Variants in CACNA1B observed in about 807,000 individuals in gnomAD.
CACNA1B encodes calcium voltage-gated channel subunit alpha1 B, also known as voltage-dependent N-type calcium channel subunit alpha-1B.
A neutral mutation model predicts 247.2 loss-of-function variants in CACNA1B; 70 were observed. The observed-to-expected ratio is 0.28, with a 90% CI of 0.23 to 0.35. The LOEUF is 0.35. Ranked by LOEUF, CACNA1B falls within the 10% of genes least tolerant of loss-of-function variation. The pLI, the probability that CACNA1B is intolerant of heterozygous loss-of-function variation, is 1.00. For synonymous variants in CACNA1B, 1,231 were observed against 1,294.4 expected (o/e 0.95, Z 1.05); for missense variants, 2,367 against 3,197.4 (o/e 0.74, Z 6.26).
At chr9:138,062,510 C>T (rs1959762735) in intron 31 of CACNA1B, among the ~76,000 whole-genome samples, 1 of 152,152 alleles carries the variant, frequency 6.6e-6, no homozygotes, top group African/African-American at 2.4e-5. Flanking sequence ...TTCACTGGGC[C>T]TGTGGTGGGT....
rs748726157 is a variant in CACNA1B, at chr9:137,881,532, C to A, written c.391-1212C>A. Among the ~76,000 whole-genome samples the A allele has an allele frequency of 2.0e-5, 3 of 152,188 alleles. No individual in the cohort carries two copies. Among genetic ancestry groups the A allele is most frequent in the African/African-American group, 7.2e-5 (3 of 41,452 alleles). ...CCTGAAGACGAACCCTCAGGGGAGG[C>A]CCTTGAAGCTGGTCTCCTCTCCCCA... On this transcript the variant is annotated intron_variant, in intron 2 of 46. Coordinates refer to ENST00000371372, the MANE Select transcript of CACNA1B (RefSeq NM_000718.4). The surrounding 1 kb of genome is among the most constrained non-coding windows in gnomAD (Gnocchi z 4.3).
chr9:138,101,136 TG>T, intron 37 of CACNA1B: 1 of 533,266 alleles, frequency 1.9e-6, no homozygotes. Flanking sequence ...ATGTACAGTT[TG>T]TTGCGTTGTA....
At position 138,052,098 on chromosome 9, in the gene CACNA1B, C is replaced by G; in HGVS notation, c.3717C>G (p.Ser1239=). 1 of 1,597,346 alleles carries G rather than the reference C, an allele frequency of 6.3e-7. No individual in the cohort carries two copies. The highest frequency in any genetic ancestry group is 8.6e-7 in the Non-Finnish European group (1 of 1,165,440). The change falls in exon 25 of 47, where the codon TCC becomes TCG. Residue 1239 remains serine (S), a synonymous_variant. Transcript: ENST00000371372. This position sits in a 1 kb window ranked among gnomAD's most constrained non-coding sequence, Gnocchi z 5.1. Reference sequence around the variant, plus strand: ...TGTGGCTTCTCCCTTCTAGAGGATCCAAAGGGAAAGACATCAATACCATCA... The same window carrying G: ...TGTGGCTTCTCCCTTCTAGAGGATCGAAAGGGAAAGACATCAATACCATCA... The part of the protein sequence containing the change: ...GALVAFAFSG[S]KGKDINTIKS...
Position 137,933,185 on chromosome 9 carries a change from G to A in CACNA1B, c.966+15754G>A, listed in dbSNP as rs536335258. On this transcript the variant is annotated intron_variant, in intron 6 of 46. Transcript: ENST00000371372. ...TCTGACCTCATGATCTGCCTGCCTCGGCCTCCCAGAGTGCTGGGATTACAG... is the reference window on the plus strand; with the variant it reads ...TCTGACCTCATGATCTGCCTGCCTCAGCCTCCCAGAGTGCTGGGATTACAG... 3.3e-4 allele frequency among the ~76,000 whole-genome samples: 50 copies of A among 152,106 alleles called. 1 individual carries two copies. The South Asian group carries it at 7.3e-3, about 22-fold the overall frequency.
intron 23 of CACNA1B, among the ~76,000 whole-genome samples, chr9:138,048,812 G>A (rs1288892474): frequency 1.3e-5 from 2 of 152,114 alleles, no homozygotes; most frequent in Non-Finnish European, 2.9e-5. Flanking sequence ...CTGTGTCCTG[G>A]GTTCAAGCAA....
Position 138,020,696 on chromosome 9 carries a change from T to G in CACNA1B, c.2268-2315T>G, listed in dbSNP as rs1041799609. Among the ~76,000 whole-genome samples, 6 of 152,104 alleles carry G rather than the reference T, an allele frequency of 3.9e-5. No homozygotes were observed. The highest frequency in any genetic ancestry group is 1.4e-4 in the African/African-American group (6 of 41,438). ...GGCGGGCAGGTGCCCTAGCGTAGGC[T>G]GCTCAGCATGTTGCTCTGCCTGGGT... is the stretch of plus-strand genomic sequence containing the variant. On this transcript the variant is annotated intron_variant, in intron 18 of 46. Transcript: ENST00000371372. This position sits in a 1 kb window ranked among gnomAD's most constrained non-coding sequence, Gnocchi z 4.1.
In CACNA1B at chr9:138,058,305, G is replaced by C. The variant is rs1335290337; in HGVS notation, c.4308+55G>C. 2.1e-6 allele frequency: 3 copies of C among 1,416,716 alleles called. No individual in the cohort carries two copies. The highest frequency in any genetic ancestry group is 2.8e-5 in the African/African-American group (2 of 70,584). The allele number at this position is 1,416,716 out of a possible 1,614,324, so 87.8% of individuals were successfully genotyped here. ...TGGACAGCGTGGGCAGCGCCATCAG[G>C]CTTCCCTCCTGCACACAAATCACTC... On this transcript the variant is annotated intron_variant, in intron 28 of 46. Coordinates refer to ENST00000371372, the MANE Select transcript of CACNA1B (RefSeq NM_000718.4). The surrounding 1 kb of genome is among the most constrained non-coding windows in gnomAD (Gnocchi z 4.7).
In CACNA1B at chr9:137,971,443, G is replaced by T. The variant is rs200510570; in HGVS notation, c.1394G>T (p.Arg465Leu). 8.1e-6 allele frequency: 13 copies of T among 1,613,532 alleles called. No individual in the cohort carries two copies. The South Asian group carries it at 1.1e-4, about 14-fold the overall frequency. Residue 465 changes from arginine (R) to leucine (L), a missense_variant, in exon 11 of 47, where the codon CGG (arginine) becomes CTG (leucine). By Grantham distance (102) the Arg-to-Leu change is moderately radical. Coordinates refer to ENST00000371372, the MANE Select transcript of CACNA1B (RefSeq NM_000718.4). This position sits in a 1 kb window ranked among gnomAD's most constrained non-coding sequence, Gnocchi z 4.4. ...SGKTESSSYFRRKEKMFRFFI... is the reference protein window; with the variant it reads ...SGKTESSSYFLRKEKMFRFFI... ...AAGACAGAGAGCTCGTCATACTTCC[G>T]GAGGAAGGAGAAGATGTTCCGGTTT...
intron 31 of CACNA1B, among the ~76,000 whole-genome samples, chr9:138,068,424 A>C (rs1960005521): frequency 6.6e-6 from 1 of 152,230 alleles, no homozygotes; most frequent in Admixed American, 6.5e-5. Flanking sequence ...TAATCCAAGC[A>C]AAAAAGCTGA....
rs1958561507 is a variant in CACNA1B, at chr9:138,000,371, T to TA, written c.1975-6395dup. On this transcript the variant is annotated intron_variant, in intron 15 of 46. Coordinates refer to ENST00000371372, the MANE Select transcript of CACNA1B (RefSeq NM_000718.4). The stretch of plus-strand genomic sequence containing the variant: ...CCTTGGCCTCCCAAAGTGCTGGGAT[T>TA]ACAGACATGAGCCACCGTGCCTGGC... 2.0e-5 allele frequency among the ~76,000 whole-genome samples: 3 copies of TA among 152,216 alleles called. No homozygotes were observed. The South Asian group carries it at 6.2e-4, about 31-fold the overall frequency.
rs1002012657 is a variant in CACNA1B at position 137,954,300 on chromosome 9, C to T, written c.1071-1398C>T. Among the ~76,000 whole-genome samples the T allele has an allele frequency of 4.6e-5, 7 of 152,220 alleles. No homozygotes were observed. Among genetic ancestry groups the T allele is most frequent in the Non-Finnish European group, 8.8e-5 (6 of 68,028 alleles). On this transcript the variant is annotated intron_variant, in intron 7 of 46. Transcript: ENST00000371372. This position sits in a 1 kb window ranked among gnomAD's most constrained non-coding sequence, Gnocchi z 4.1. Reference sequence around the variant, plus strand: ...CGGCTCTGCCATGTCTGGGCGAGAGCTGCAGGAGGGGCCAGCTTGGGGCCA... The same window carrying T: ...CGGCTCTGCCATGTCTGGGCGAGAGTTGCAGGAGGGGCCAGCTTGGGGCCA...
intron 36 of CACNA1B, among the ~76,000 whole-genome samples, chr9:138,089,375 A>T (rs897347396): frequency 2.0e-5 from 3 of 152,250 alleles, no homozygotes; most frequent in African/African-American, 7.2e-5. Flanking sequence ...TAAGTAAACC[A>T]GTAATCAACA....
chr9:137,896,842 G>C (rs528183236), intron 3 of CACNA1B, among the ~76,000 whole-genome samples: 1 of 152,136 alleles, frequency 6.6e-6, no homozygotes, highest in African/African-American at 2.4e-5. Flanking sequence ...TGTTGGGTCC[G>C]TCGTGTGAGT....
Position 138,007,759 on chromosome 9 carries a change from C to T in CACNA1B, c.2092+875C>T, listed in dbSNP as rs552122086. On this transcript the variant is annotated intron_variant, in intron 16 of 46. Transcript: ENST00000371372. The surrounding 1 kb of genome is among the most constrained non-coding windows in gnomAD (Gnocchi z 4.1). ...AGAACTGCTGTGACAGAACACCCCA[C>T]AGGGCCCCGAGGAGCTGGAGACAAT... Among the ~76,000 whole-genome samples the T allele has an allele frequency of 6.6e-6, 1 of 152,282 alleles. No homozygotes were observed. The highest frequency in any genetic ancestry group is 1.9e-4 in the East Asian group (1 of 5,176).
intron 12 of CACNA1B, among the ~76,000 whole-genome samples, chr9:137,982,266 T>C (rs1958303467): frequency 6.6e-6 from 1 of 152,196 alleles, no homozygotes. Flanking sequence ...TGGCTGTCAA[T>C]GGACCTCAAA....
intron 20 of CACNA1B, among the ~76,000 whole-genome samples, chr9:138,043,431 G>A (rs1016763656): frequency 6.6e-6 from 1 of 152,206 alleles, no homozygotes; most frequent in African/African-American, 2.4e-5. Context: ...CCCAGCAGAG[G>A]CAGTGGGAAG....
At chr9:137,949,014 TTG>T (rs1367114542) in intron 6 of CACNA1B, among the ~76,000 whole-genome samples, 4 of 144,194 alleles carry the variant, frequency 2.8e-5, no homozygotes, top group Non-Finnish European at 4.6e-5. Flanking sequence ...TATGTGTGTT[TTG>T]TGTGTGTGGT....
At chr9:138,069,859 C>T (rs1412353618) in intron 32 of CACNA1B, 96 bp downstream of exon 32, 3 of 1,081,174 alleles carry the variant, frequency 2.8e-6, no homozygotes, top group African/African-American at 1.6e-5. Flanking sequence ...AGCCCACTGC[C>T]CTCTAGGCGT....
intron 20 of CACNA1B, among the ~76,000 whole-genome samples, chr9:138,025,990 A>T (rs535908911): frequency 3.9e-5 from 6 of 152,338 alleles, no homozygotes; most frequent in Admixed American, 3.9e-4. Context: ...AGACGGACTC[A>T]ATCAGGTGCC....
Sources: allele counts gnomAD v4.1 joint callset (sites outside exome capture counted in the v4.1 genomes callset), GRCh38; gene constraint gnomAD v4.1.1; non-coding constraint Gnocchi (gnomAD v3.1); transcripts MANE v1.5; gene names NCBI Gene and HGNC (gene_info 2026-07-23, HGNC 2026-07-21).